TTL: variants seen among roughly 807,000 people sequenced by gnomAD.
TTL encodes tubulin tyrosine ligase, also known as tubulin--tyrosine ligase.
A neutral mutation model predicts 41.1 loss-of-function variants in TTL; 10 were observed. The ratio of observed to expected loss-of-function variants is 0.24; its 90% CI spans 0.15 to 0.41. The LOEUF is 0.41. TTL is among the 10% of genes least tolerant of loss of function. The pLI is 1.00. For synonymous variants in TTL, 175 were observed against 175.5 expected, an observed-to-expected ratio of 1.00 and a Z score of 0.02; for missense variants, 367 against 460.4, an observed-to-expected ratio of 0.80 and a Z score of 1.86.
Position 112,534,935 on chromosome 2 carries a change from G to A in TTL, c.*6140G>A, listed in dbSNP as rs1442775326. ...AGGCAGAAGGAGGGAAAGAGGGAGG[G>A]AGGAAAGGTAGGAAGGGGAGAAAGA... is the stretch of plus-strand genomic sequence containing the variant. On this transcript the variant is annotated 3_prime_UTR_variant, in exon 7 of 7. Coordinates refer to ENST00000233336, the MANE Select transcript of TTL (RefSeq NM_153712.5). 7.0e-6 allele frequency: 1 copy of A among 143,632 alleles called. No homozygotes were observed. Among genetic ancestry groups the A allele is most frequent in the Non-Finnish European group, 1.5e-5 (1 of 65,332 alleles). 8.9% of individuals were successfully genotyped at this position (143,632 alleles called of 1,614,324 possible). A position where few individuals can be genotyped will look rare whatever the true frequency, so the allele number is the denominator to read the frequency against.
Position 112,530,198 on chromosome 2 carries a change from T to C in TTL, c.*1403T>C, listed in dbSNP as rs1490084884. Reference sequence around the variant, plus strand: ...AACATTTCTGCAGTCAGGTGAGACTTTTACAAAAGAGGAGAAAATCAATGC... The same window carrying C: ...AACATTTCTGCAGTCAGGTGAGACTCTTACAAAAGAGGAGAAAATCAATGC... On this transcript the variant is annotated 3_prime_UTR_variant, in exon 7 of 7. Coordinates refer to ENST00000233336, the MANE Select transcript of TTL (RefSeq NM_153712.5). The C allele has an allele frequency of 8.8e-6, 2 of 228,088 alleles. No individual in the cohort carries two copies. The highest frequency in any genetic ancestry group is 1.7e-5 in the Non-Finnish European group (2 of 114,918). 14.1% of individuals were successfully genotyped at this position (228,088 alleles called of 1,614,324 possible).
intron 2 of TTL, among the ~76,000 whole-genome samples, chr2:112,490,568 CTTTT>C (rs35722764): frequency 4.5e-5 from 5 of 110,694 alleles, no homozygotes; most frequent in African/African-American, 1.1e-4. Flanking sequence ...CTTAGTAAAT[CTTTT>C]TTTTTTTTTT....
chr2:112,519,997 G>A (rs1682176299), intron 5 of TTL, among the ~76,000 whole-genome samples: 1 of 151,916 alleles, frequency 6.6e-6, no homozygotes, highest in South Asian at 2.1e-4. Flanking sequence ...GGGTGCGGTG[G>A]CGCATGCCTG....
intron 5 of TTL, among the ~76,000 whole-genome samples, chr2:112,516,629 G>GC (rs1682078816): frequency 6.6e-6 from 1 of 152,064 alleles, no homozygotes; most frequent in African/African-American, 2.4e-5. Flanking sequence ...AGCCAAGATC[G>GC]CATCACTGCA....
At chr2:112,503,532 C>T (rs922165727) in intron 5 of TTL, among the ~76,000 whole-genome samples, 4 of 150,116 alleles carry the variant, frequency 2.7e-5, no homozygotes, top group Admixed American at 1.3e-4. Context: ...CTCCTGGGTT[C>T]AAGTGATTCT....
rs981341745 is a variant in TTL, at chr2:112,530,024, G to A, written c.*1229G>A. On this transcript the variant is annotated 3_prime_UTR_variant, in exon 7 of 7. Coordinates refer to ENST00000233336, the MANE Select transcript of TTL (RefSeq NM_153712.5). The stretch of plus-strand genomic sequence containing the variant: ...GTAGGGAGAACAAGATGTCATTTGT[G>A]TTCAGTGTAAGCTGAGTAAACAGGC... 6 of 229,850 alleles carry A rather than the reference G, an allele frequency of 2.6e-5. No homozygotes were observed. Among genetic ancestry groups the A allele is most frequent in the Non-Finnish European group, 5.2e-5 (6 of 115,992 alleles). The allele number at this position is 229,850 out of a possible 1,614,324, so 14.2% of individuals were successfully genotyped here.
At chr2:112,493,642 T>G (rs962845099) in intron 2 of TTL, among the ~76,000 whole-genome samples, 1 of 152,190 alleles carries the variant, frequency 6.6e-6, no homozygotes, top group Non-Finnish European at 1.5e-5. Context: ...AAAAATACCT[T>G]TTTTATTCTG....
intron 3 of TTL, among the ~76,000 whole-genome samples, chr2:112,495,933 G>T (rs1334102278): frequency 1.3e-5 from 2 of 152,170 alleles, no homozygotes; most frequent in Admixed American, 6.5e-5. Context: ...GTTCCGGGTC[G>T]AAGGGACCTC....
chr2:112,520,423 T>C lies in TTL; in HGVS notation c.1017T>C (p.Ala339=). The C allele has an allele frequency of 6.2e-7, 1 of 1,613,504 alleles. No individual in the cohort carries two copies. The highest frequency in any genetic ancestry group is 1.1e-5 in the South Asian group (1 of 91,062). Residue 339 remains alanine, a splice_region_variant and synonymous_variant, in exon 6 of 7, where the codon GCT becomes GCC. Coordinates refer to ENST00000233336, the MANE Select transcript of TTL (RefSeq NM_153712.5). ...LIEVNGAPAC[A]QKLYAELCQG... ...AGGTCAACGGTGCCCCTGCATGTGCTCAGTAAGCCTGCACGTCATTGTGTT... is the reference window on the plus strand; with the variant it reads ...AGGTCAACGGTGCCCCTGCATGTGCCCAGTAAGCCTGCACGTCATTGTGTT...
chr2:112,512,016 G>C (rs1473653221), intron 5 of TTL, among the ~76,000 whole-genome samples: 1 of 150,890 alleles, frequency 6.6e-6, no homozygotes, highest in Non-Finnish European at 1.5e-5. Context: ...CTGTCCCTAG[G>C]TATTATATTC....
intron 5 of TTL, among the ~76,000 whole-genome samples, chr2:112,512,663 C>T (rs905327793): frequency 6.6e-6 from 1 of 152,208 alleles, no homozygotes; most frequent in African/African-American, 2.4e-5. Context: ...TCCCAAAGTG[C>T]TGGGATTACA....
intron 5 of TTL, among the ~76,000 whole-genome samples, chr2:112,519,228 T>A (rs1330927043): frequency 6.6e-6 from 1 of 152,140 alleles, no homozygotes; most frequent in Non-Finnish European, 1.5e-5. Context: ...TGATGAAAAA[T>A]TGTTCATAAC....
In TTL at chr2:112,486,011, G is replaced by A. The variant is rs778268512; in HGVS notation, c.236+16G>A. On this transcript the variant is annotated intron_variant, in intron 2 of 6. Coordinates refer to ENST00000233336, the MANE Select transcript of TTL (RefSeq NM_153712.5). ...CTTTAGTGAAGTAAGTGTTAAGACC[G>A]CTGTTTTCCATTTTTTACCTAAATG... The A allele has an allele frequency of 9.3e-6, 15 of 1,611,884 alleles. No homozygotes were observed. Among genetic ancestry groups the A allele is most frequent in the East Asian group, 8.9e-5 (4 of 44,878 alleles).
rs1227680041 is a variant in TTL, at chr2:112,535,708, A to C, written c.*6913A>C. ...TAATTTCATTAAATGCAAATGAATT[A>C]AATACTCCAATCAGAAGGTAGAGAT... is the stretch of plus-strand genomic sequence containing the variant. On this transcript the variant is annotated 3_prime_UTR_variant, in exon 7 of 7. Transcript: ENST00000233336. The C allele has an allele frequency of 6.8e-6, 1 of 148,104 alleles. No individual in the cohort carries two copies. Among genetic ancestry groups the C allele is most frequent in the Non-Finnish European group, 1.5e-5 (1 of 67,532 alleles). 9.2% of individuals were successfully genotyped at this position (148,104 alleles called of 1,614,324 possible). A position where few individuals can be genotyped will look rare whatever the true frequency, so the allele number is the denominator to read the frequency against.
At chr2:112,486,043 T>G in intron 2 of TTL, 48 bp downstream of exon 2, 1 of 1,577,444 alleles carries the variant, frequency 6.3e-7, no homozygotes. Context: ...AATGAAGCAC[T>G]TAGGCAAAAA....
intron 2 of TTL, among the ~76,000 whole-genome samples, chr2:112,487,113 G>A (rs1479700153): frequency 6.6e-6 from 1 of 152,196 alleles, no homozygotes; most frequent in Non-Finnish European, 1.5e-5. Flanking sequence ...GTGAACATGT[G>A]TGTGTAGCCA....
intron 2 of TTL, among the ~76,000 whole-genome samples, chr2:112,488,420 T>G (rs1681297597): frequency 6.6e-6 from 1 of 152,104 alleles, no homozygotes; most frequent in Non-Finnish European, 1.5e-5. Context: ...TACCCACACA[T>G]GTAATTATAA....
At chr2:112,528,642 A>G in intron 6 of TTL, 39 bp from the exon 7 acceptor site, 1 of 1,544,754 alleles carries the variant, frequency 6.5e-7, no homozygotes, top group Non-Finnish European at 8.9e-7. Context: ...TTGTACTTTG[A>G]TGAACATCCT....
intron 2 of TTL, among the ~76,000 whole-genome samples, chr2:112,487,821 ATTCCAGGATATGATGC>A (rs1185868203): frequency 6.6e-6 from 1 of 152,108 alleles, no homozygotes; most frequent in African/African-American, 2.4e-5. Context: ...GCTTGCAGTA[ATTCCAGGATATGATGC>A]TTCCCTTTAT....
Sources: allele counts gnomAD v4.1 joint callset (sites outside exome capture counted in the v4.1 genomes callset), GRCh38; gene constraint gnomAD v4.1.1; transcripts MANE v1.5; gene names NCBI Gene and HGNC (gene_info 2026-07-23, HGNC 2026-07-21).